KHDRBS2: variants seen among roughly 807,000 people sequenced by gnomAD.
The protein encoded by KHDRBS2 is KH domain-containing, RNA-binding, signal transduction-associated protein 2.
In KHDRBS2, 26 loss-of-function variants were observed where a neutral mutation model predicts 44.3. The ratio of observed to expected loss-of-function variants is 0.59; its 90% CI spans 0.43 to 0.81. KHDRBS2 has a LOEUF of 0.81. Ranked by LOEUF, KHDRBS2 falls within the 40% of genes least tolerant of loss-of-function variation. The pLI, the probability that KHDRBS2 is intolerant of heterozygous loss-of-function variation, is 0.00. For synonymous variants in KHDRBS2, 194 were observed against 151.1 expected, an observed-to-expected ratio of 1.28 and a Z score of -2.08; for missense variants, 476 against 433.1, an observed-to-expected ratio of 1.10 and a Z score of -0.88.
At chr6:61,955,891 C>G (rs942065054) in intron 4 of KHDRBS2, among the ~76,000 whole-genome samples, 1 of 152,012 alleles carries the variant, frequency 6.6e-6, no homozygotes, top group African/African-American at 2.4e-5. Flanking sequence ...GATTATGAAG[C>G]TGAGACACAA....
chr6:61,861,473 C>T (rs1166509107), intron 6 of KHDRBS2, among the ~76,000 whole-genome samples: 1 of 152,078 alleles, frequency 6.6e-6, no homozygotes, highest in African/African-American at 2.4e-5. Context: ...AATAGGGAGT[C>T]CTTTCCCCAT....
At chr6:61,607,583 T>C in the KHDRBS2 span, among the ~76,000 whole-genome samples, 1 of 128,794 alleles carries the variant, frequency 7.8e-6, no homozygotes. Flanking sequence ...TTGCCAAAGA[T>C]TAAAAAAATC....
At chr6:62,072,786 A>G (rs1418116527) in intron 2 of KHDRBS2, among the ~76,000 whole-genome samples, 1 of 152,104 alleles carries the variant, frequency 6.6e-6, no homozygotes, top group Non-Finnish European at 1.5e-5. Context: ...CATCAGGGAT[A>G]TTGGTCTAAA....
the KHDRBS2 span, among the ~76,000 whole-genome samples, chr6:61,670,300 T>A: frequency 6.6e-6 from 1 of 151,434 alleles, no homozygotes; most frequent in Non-Finnish European, 1.5e-5. Context: ...TAAAAAGTTA[T>A]GCCAATTTGT....
intron 6 of KHDRBS2, among the ~76,000 whole-genome samples, chr6:61,849,705 C>G (rs1795167577): frequency 1.3e-5 from 2 of 151,410 alleles, no homozygotes; most frequent in Non-Finnish European, 2.9e-5. Flanking sequence ...TCATAAAAAG[C>G]TATTAATATG....
intron 8 of KHDRBS2, among the ~76,000 whole-genome samples, 182 bp from the exon 9 acceptor site, chr6:61,681,242 T>C (rs1766259211): frequency 6.6e-6 from 1 of 151,958 alleles, no homozygotes; most frequent in Non-Finnish European, 1.5e-5. Context: ...GTGTACTGTG[T>C]ATTTATTATG....
chr6:62,167,237 G>C (rs1818887003), intron 2 of KHDRBS2, among the ~76,000 whole-genome samples: 1 of 152,040 alleles, frequency 6.6e-6, no homozygotes, highest in Non-Finnish European at 1.5e-5. Flanking sequence ...AAAAGAAGGA[G>C]AGACTGGTAT....
At chr6:61,810,866 T>C (rs1379826704) in intron 6 of KHDRBS2, among the ~76,000 whole-genome samples, 2 of 152,158 alleles carry the variant, frequency 1.3e-5, no homozygotes, top group Admixed American at 6.5e-5. Context: ...TTAGGACTAA[T>C]GTGTTTTTTA....
At chr6:61,646,087 T>C in the KHDRBS2 span, among the ~76,000 whole-genome samples, 1 of 152,196 alleles carries the variant, frequency 6.6e-6, no homozygotes, top group Non-Finnish European at 1.5e-5. Flanking sequence ...TCATAAGGTT[T>C]TAAAGGATTA....
At chr6:61,982,044 G>C (rs1215163011) in intron 3 of KHDRBS2, among the ~76,000 whole-genome samples, 1 of 152,082 alleles carries the variant, frequency 6.6e-6, no homozygotes, top group Non-Finnish European at 1.5e-5. Flanking sequence ...ATTCACGTCA[G>C]ATATTTAACA....
chr6:61,969,852 G>T (rs763554613), intron 4 of KHDRBS2, among the ~76,000 whole-genome samples: 3 of 151,560 alleles, frequency 2.0e-5, no homozygotes, highest in African/African-American at 2.4e-5. Flanking sequence ...CTAGTTGGAG[G>T]CCGTAGAATT....
chr6:61,752,826 C>T (rs1054295056), intron 6 of KHDRBS2, among the ~76,000 whole-genome samples: 14 of 151,612 alleles, frequency 9.2e-5, no homozygotes, highest in South Asian at 8.3e-4. Flanking sequence ...AAAAATGAAG[C>T]GAATTATTTG....
intron 1 of KHDRBS2, among the ~76,000 whole-genome samples, chr6:62,231,358 G>C (rs1338248248): frequency 6.6e-6 from 1 of 152,172 alleles, no homozygotes; most frequent in Non-Finnish European, 1.5e-5. Flanking sequence ...CAGCAGGAGA[G>C]AGAAGTTCGA....
At chr6:62,251,275 C>T (rs1836484538) in intron 1 of KHDRBS2, among the ~76,000 whole-genome samples, 1 of 151,468 alleles carries the variant, frequency 6.6e-6, no homozygotes, top group South Asian at 2.1e-4. Flanking sequence ...ATGAACACTG[C>T]CATAAAAATA....
intron 2 of KHDRBS2, among the ~76,000 whole-genome samples, chr6:62,083,794 A>G (rs1797883994): frequency 6.6e-6 from 1 of 152,214 alleles, no homozygotes; most frequent in Non-Finnish European, 1.5e-5. Flanking sequence ...ATGCAGCTTC[A>G]GTAGCAAACT....
chr6:62,185,392 C>T (rs2150127942), intron 1 of KHDRBS2, among the ~76,000 whole-genome samples: 1 of 152,032 alleles, frequency 6.6e-6, no homozygotes, highest in African/African-American at 2.4e-5. Flanking sequence ...GGTCCTAAGT[C>T]ATGGATCTCC....
At chr6:61,775,108 C>A (rs1781723566) in intron 6 of KHDRBS2, among the ~76,000 whole-genome samples, 1 of 152,014 alleles carries the variant, frequency 6.6e-6, no homozygotes, top group Non-Finnish European at 1.5e-5. Context: ...ATGCTAAAAG[C>A]TCTCAATAAA....
the KHDRBS2 span, among the ~76,000 whole-genome samples, chr6:61,651,178 T>G: frequency 2.0e-5 from 3 of 152,148 alleles, no homozygotes; most frequent in African/African-American, 7.2e-5. Context: ...CTAACTGGTT[T>G]AATGCTAAAA....
At chr6:62,065,208 T>C (rs987457992) in intron 2 of KHDRBS2, among the ~76,000 whole-genome samples, 7 of 152,078 alleles carry the variant, frequency 4.6e-5, no homozygotes, top group Non-Finnish European at 8.8e-5. Flanking sequence ...GTTCAACCAT[T>C]GTGGAAGTCA....
Sources: allele counts gnomAD v4.1 joint callset (sites outside exome capture counted in the v4.1 genomes callset), GRCh38; gene constraint gnomAD v4.1.1; transcripts MANE v1.5; gene names NCBI Gene and HGNC (gene_info 2026-07-23, HGNC 2026-07-21).